The following PTPRG variants were observed in gnomAD, a reference collection of about 807,000 sequenced individuals.
The protein encoded by PTPRG is receptor-type tyrosine-protein phosphatase gamma.
A neutral mutation model predicts 165.3 loss-of-function variants in PTPRG; 102 were observed. That is an observed-to-expected ratio of 0.62 (90% CI 0.53 to 0.73). The LOEUF (loss-of-function observed/expected upper bound fraction) is 0.73. Ranked by LOEUF, PTPRG falls within the 30% of genes least tolerant of loss-of-function variation. PTPRG has a pLI of 0.00. For missense variants in PTPRG, 1,866 were observed against 1,861.4 expected (o/e 1.00, Z -0.05); for synonymous variants, 675 against 669.5 (o/e 1.01, Z -0.13).
intron 2 of PTPRG, among the ~76,000 whole-genome samples, chr3:61,842,439 A>G (rs569144636): frequency 2.0e-5 from 3 of 152,214 alleles, no homozygotes; most frequent in Non-Finnish European, 2.9e-5. Context: ...CTTTAGGAAG[A>G]CAGTTCAGAT....
At chr3:61,633,016 G>A (rs1701811141) in intron 1 of PTPRG, among the ~76,000 whole-genome samples, 1 of 152,188 alleles carries the variant, frequency 6.6e-6, no homozygotes, top group African/African-American at 2.4e-5. Flanking sequence ...CACAGAAAGA[G>A]TCATCCCCAC....
intron 6 of PTPRG, among the ~76,000 whole-genome samples, chr3:62,149,745 C>T (rs933540503): frequency 6.6e-6 from 1 of 152,176 alleles, no homozygotes; most frequent in African/African-American, 2.4e-5. Context: ...ACATTCATGG[C>T]CGGTCTAGAC....
chr3:62,070,827 C>G (rs968527604), intron 4 of PTPRG, among the ~76,000 whole-genome samples: 1 of 152,036 alleles, frequency 6.6e-6, no homozygotes, highest in Admixed American at 6.6e-5. Flanking sequence ...TCCACCACCA[C>G]GTTCCCACTG....
intron 4 of PTPRG, among the ~76,000 whole-genome samples, chr3:62,005,814 TGCCCCAGCTTCCCAG>T (rs1368849464): frequency 7.0e-6 from 1 of 142,940 alleles, no homozygotes; most frequent in Non-Finnish European, 1.5e-5. Flanking sequence ...GCAATTCTCC[TGCCCCAGCTTCCCAG>T]GAAGCTGGGA....
chr3:62,170,333 T>C (rs1705168740), intron 8 of PTPRG, among the ~76,000 whole-genome samples: 1 of 152,010 alleles, frequency 6.6e-6, no homozygotes, highest in Non-Finnish European at 1.5e-5. Flanking sequence ...CCTGGGGATT[T>C]TGTGAGAGTT....
chr3:61,760,544 G>C (rs1259052877), intron 2 of PTPRG, among the ~76,000 whole-genome samples: 1 of 152,122 alleles, frequency 6.6e-6, no homozygotes, highest in Non-Finnish European at 1.5e-5. Context: ...CAGAGTGATA[G>C]GCCTGACTTG....
chr3:61,703,029 G>A (rs2031057392), intron 1 of PTPRG, among the ~76,000 whole-genome samples: 2 of 152,174 alleles, frequency 1.3e-5, no homozygotes, highest in South Asian at 2.1e-4. Flanking sequence ...TACGGTGGGT[G>A]CAGAATTTGC....
rs73086880 is a variant in PTPRG at position 62,081,480 on chromosome 3, A to G, written c.615+3222A>G. On this transcript the variant is annotated intron_variant, in intron 5 of 29. Coordinates refer to ENST00000474889, the MANE Select transcript of PTPRG (RefSeq NM_002841.4). ...TGCAACAGCCTCCTGAGTAGCCGGG[A>G]CTACAGGTGCAGGCCACCATGTCCG... 5.7e-3 allele frequency among the ~76,000 whole-genome samples: 872 copies of G among 152,060 alleles called. 3 individuals carry two copies. Among genetic ancestry groups the G allele is most frequent in the Middle Eastern group, 0.024 (7 of 294 alleles).
At chr3:61,912,207 C>G (rs551724855) in intron 2 of PTPRG, among the ~76,000 whole-genome samples, 1 of 151,510 alleles carries the variant, frequency 6.6e-6, no homozygotes, top group African/African-American at 2.4e-5. Context: ...TTAGAAATAC[C>G]CCTTCTTTAT....
At chr3:62,022,448 T>C (rs1025689419) in intron 4 of PTPRG, among the ~76,000 whole-genome samples, 1 of 152,210 alleles carries the variant, frequency 6.6e-6, no homozygotes, top group Non-Finnish European at 1.5e-5. Context: ...CTTGTCACCT[T>C]CTCTTGGCTC....
At chr3:61,615,872 T>G (rs975383872) in intron 1 of PTPRG, among the ~76,000 whole-genome samples, 1 of 152,210 alleles carries the variant, frequency 6.6e-6, no homozygotes, top group Non-Finnish European at 1.5e-5. Flanking sequence ...CTGCCGGCCC[T>G]GGCTCTGGAT....
intron 11 of PTPRG, 104 bp downstream of exon 11, chr3:62,201,658 G>A (rs1032465708): frequency 2.9e-6 from 3 of 1,023,230 alleles, no homozygotes; most frequent in African/African-American, 1.6e-5. Flanking sequence ...AAACTGCTCA[G>A]TGTAAAGCGG....
At chr3:61,590,309 G>A (rs2106819906) in intron 1 of PTPRG, among the ~76,000 whole-genome samples, 1 of 151,834 alleles carries the variant, frequency 6.6e-6, no homozygotes, top group Admixed American at 6.6e-5. Context: ...ATCACTTGAG[G>A]TCAGGAGTTC....
At chr3:61,767,239 T>TAAAAAAAAAA (rs1371380259) in intron 2 of PTPRG, among the ~76,000 whole-genome samples, 8 of 73,066 alleles carry the variant, frequency 1.1e-4, no homozygotes, top group South Asian at 4.9e-4. Context: ...AGATTCCATC[T>TAAAAAAAAAA]CAAAAAAAAA....
In PTPRG at chr3:61,756,154, A is replaced by G. The variant is rs192792761; in HGVS notation, c.190+7172A>G. 2.1e-3 allele frequency among the ~76,000 whole-genome samples: 322 copies of G among 152,274 alleles called. 2 individuals carry two copies. The highest frequency in any genetic ancestry group is 6.7e-3 in the African/African-American group (277 of 41,566). Reference sequence around the variant, plus strand: ...TTGGTTGAAAAGATGAAGAATTTTGACTAGAACCTATTAAGATGTGTTATA... The same window carrying G: ...TTGGTTGAAAAGATGAAGAATTTTGGCTAGAACCTATTAAGATGTGTTATA... On this transcript the variant is annotated intron_variant, in intron 2 of 29. Transcript: ENST00000474889.
rs1312235605 is a variant in PTPRG at position 61,562,368 on chromosome 3, C to T, written c.81C>T (p.Phe27=). 15 of 1,613,336 alleles carry T rather than the reference C, an allele frequency of 9.3e-6. No homozygotes were observed. In the South Asian group the frequency reaches 1.4e-4, roughly 15 times the overall value. ...TSSVLHYVVC[F]PALTEGYVGA... The stretch of plus-strand genomic sequence containing the variant: ...CCGTGCTCCATTATGTCGTGTGCTT[C>T]CCCGGTGAGTGCCGGCCGCCGAGGG... The change falls in exon 1 of 30, where the codon TTC becomes TTT. Residue 27 remains phenylalanine, a synonymous_variant. Coordinates refer to ENST00000474889, the MANE Select transcript of PTPRG (RefSeq NM_002841.4).
chr3:62,012,166 A>G (rs4688278), intron 4 of PTPRG, among the ~76,000 whole-genome samples: 133,873 of 152,198 alleles, frequency 0.88, 59,167 homozygotes, highest in East Asian at 1. Flanking sequence ...CTTCATGTCA[A>G]CCTTGTGAGA....
At chr3:61,652,951 A>G (rs6445233) in intron 1 of PTPRG, among the ~76,000 whole-genome samples, 150,492 of 152,380 alleles carry the variant, frequency 0.99, 74,353 homozygotes, top group East Asian at 1. Flanking sequence ...TTGTATCAAA[A>G]TGCTATGGAG....
chr3:62,245,935 G>A lies in PTPRG; in HGVS notation c.2467+2037G>A, dbSNP rs1011794645. Among the ~76,000 whole-genome samples, 1 of 152,040 alleles carries A rather than the reference G, an allele frequency of 6.6e-6. No homozygotes were observed. Among genetic ancestry groups the A allele is most frequent in the East Asian group, 1.9e-4 (1 of 5,180 alleles). On this transcript the variant is annotated intron_variant, in intron 15 of 29. Transcript: ENST00000474889. This position sits in a 1 kb window ranked among gnomAD's most constrained non-coding sequence, Gnocchi z 4.2. ...CACTAGGATCCTCTGAATATGCCTT[G>A]CAACACCTTTGAGTAGGTATATTAG...
Sources: gnomAD v4.1 joint callset for allele counts (sites outside exome capture counted in the v4.1 genomes callset) on GRCh38, gnomAD v4.1.1 for gene constraint, Gnocchi (gnomAD v3.1) non-coding constraint, MANE v1.5 for transcripts, NCBI Gene and HGNC (gene_info 2026-07-23, HGNC 2026-07-21) for gene names.